The following GBF1 variants were observed in gnomAD, a reference collection of about 807,000 sequenced individuals.
GBF1 encodes the protein Golgi-specific brefeldin A-resistance guanine nucleotide exchange factor 1.
Under a neutral mutation model 210.5 loss-of-function variants are expected in GBF1, and 114 were observed. That is an observed-to-expected ratio of 0.54 (90% CI 0.47 to 0.63). The LOEUF (loss-of-function observed/expected upper bound fraction) is 0.63, where lower values mean the gene tolerates loss of function less well. Ranked by LOEUF, GBF1 falls within the 30% of genes least tolerant of loss-of-function variation. GBF1 has a pLI of 0.00. For synonymous variants in GBF1, 850 were observed against 889.2 expected (o/e 0.96, Z 0.78); for missense variants, 1,851 against 2,357.7 (o/e 0.79, Z 4.45).
At chr10:102,287,456 G>T (rs1359486238) in intron 3 of GBF1, among the ~76,000 whole-genome samples, 1 of 148,424 alleles carries the variant, frequency 6.7e-6, no homozygotes, top group Non-Finnish European at 1.5e-5. Flanking sequence ...CCAAAGTGCT[G>T]GGATTACAGG....
At chr10:102,299,186 A>G (rs1014182583) in intron 3 of GBF1, among the ~76,000 whole-genome samples, 3 of 152,338 alleles carry the variant, frequency 2.0e-5, no homozygotes, top group Non-Finnish European at 2.9e-5. Flanking sequence ...AGAAAGAACT[A>G]TTGATACATG....
intron 26 of GBF1, 91 bp downstream of exon 26, chr10:102,370,075 G>A: frequency 6.4e-7 from 1 of 1,561,018 alleles, no homozygotes; most frequent in East Asian, 2.2e-5. Context: ...TCCAGGATTT[G>A]TAACCAGGGC....
At chr10:102,293,762 A>ATTTTTTTTTTTTTTTTTTTTTTT (rs1565071251) in intron 3 of GBF1, among the ~76,000 whole-genome samples, 1 of 44,572 alleles carries the variant, frequency 2.2e-5, no homozygotes, top group African/African-American at 8.6e-5. Context: ...CAGCTGTAGT[A>ATTTTTTTTTTTTTTTTTTTTTTT]TGTTTTGTGT....
intron 3 of GBF1, among the ~76,000 whole-genome samples, chr10:102,281,551 A>C (rs2075480690): frequency 6.7e-6 from 1 of 149,260 alleles, no homozygotes; most frequent in Admixed American, 6.7e-5. Flanking sequence ...TATTTTTATA[A>C]ATTATCTATA....
intron 3 of GBF1, among the ~76,000 whole-genome samples, chr10:102,317,845 A>T (rs1288881460): frequency 6.6e-6 from 1 of 152,126 alleles, no homozygotes; most frequent in South Asian, 2.1e-4. Context: ...TATTCATTGT[A>T]TGAATGTTAC....
At chr10:102,249,597 A>G (rs892066631) in intron 1 of GBF1, among the ~76,000 whole-genome samples, 3 of 152,062 alleles carry the variant, frequency 2.0e-5, no homozygotes, top group Non-Finnish European at 4.4e-5. Context: ...CTAGTTTAGT[A>G]ACTTTGGTTA....
In GBF1 at chr10:102,366,522, A is replaced by G; in HGVS notation, c.2433+16A>G. On this transcript the variant is annotated intron_variant, in intron 19 of 39. Transcript: ENST00000369983. The surrounding 1 kb of genome is among the most constrained non-coding windows in gnomAD (Gnocchi z 4.0). ...GCGTTGGATGGTGAGTTTGAGTGTC[A>G]GGGGCTGAGCCCAGGATCCAAGGTC... The G allele has an allele frequency of 2.5e-6, 4 of 1,609,396 alleles. No individual in the cohort carries two copies. Among genetic ancestry groups the G allele is most frequent in the Non-Finnish European group, 3.4e-6 (4 of 1,177,342 alleles).
At chr10:102,259,673 AT>A (rs1294587868) in intron 2 of GBF1, among the ~76,000 whole-genome samples, 1 of 152,322 alleles carries the variant, frequency 6.6e-6, no homozygotes, top group East Asian at 1.9e-4. Flanking sequence ...ATAAAAATGT[AT>A]TGATTTAAAA....
intron 30 of GBF1, 109 bp downstream of exon 30, chr10:102,375,693 C>T (rs77733074): frequency 0.028 from 19,524 of 700,256 alleles, 641 homozygotes; most frequent in African/African-American, 0.12. Context: ...TTAAACAGCC[C>T]TGGCTCCTGC....
At chr10:102,358,354 G>A in intron 9 of GBF1, 152 bp from the exon 10 acceptor site, 2 of 781,622 alleles carry the variant, frequency 2.6e-6, no homozygotes, top group Non-Finnish European at 4.2e-6. Context: ...CAACTATGCA[G>A]TGACTTAAGG....
Position 102,343,799 on chromosome 10 carries a change from C to CAA in GBF1, c.164-236_164-235dup, listed in dbSNP as rs56360033. 8.0e-3 allele frequency among the ~76,000 whole-genome samples: 996 copies of CAA among 124,302 alleles called. 7 individuals are homozygous for CAA. The highest frequency in any genetic ancestry group is 0.012 in the Non-Finnish European group (717 of 58,896). The allele number at this position is 124,302 out of a possible 152,430, so 81.5% of individuals were successfully genotyped here. A position where few individuals can be genotyped will look rare whatever the true frequency, so the allele number is the denominator to read the frequency against. On this transcript the variant is annotated intron_variant, in intron 3 of 39. Transcript: ENST00000369983. ...CACTCCAAAGCAGGACTCTGTCTGA[C>CAA]AAAAAAAAAAAAAAAAAGATAATAT... is the stretch of plus-strand genomic sequence containing the variant.
intron 3 of GBF1, among the ~76,000 whole-genome samples, chr10:102,327,098 G>A (rs1384924708): frequency 6.6e-6 from 1 of 152,190 alleles, no homozygotes; most frequent in African/African-American, 2.4e-5. Context: ...CATTAGATGA[G>A]CCGAATTCTC....
At chr10:102,262,147 C>T (rs540521990) in intron 3 of GBF1, among the ~76,000 whole-genome samples, 2 of 152,198 alleles carry the variant, frequency 1.3e-5, no homozygotes, top group Non-Finnish European at 2.9e-5. Context: ...GGCCTCCCAA[C>T]CATATTTTCT....
At position 102,359,431 on chromosome 10, in the gene GBF1, A is replaced by T. The variant is rs2059468508; in HGVS notation, c.1176A>T (p.Lys392Asn). Residue 392 changes from lysine (K) to asparagine (N), a missense_variant, in exon 11 of 40, where the codon AAA (lysine) becomes AAT (asparagine). This residue lies in a region of GBF1 where 804 missense variants were observed against 958.6 expected (regional missense o/e 0.84). Transcript: ENST00000369983. ...TGCGCTTTACACAGTCCTCCCAGAA[A>T]GAAGGTGGGTATTCTGGTAGGCTCT... is the stretch of plus-strand genomic sequence containing the variant. Reference protein sequence around the residue: ...RGVRFTQSSQKEGTALVPYGL... With the variant: ...RGVRFTQSSQNEGTALVPYGL... 1 of 1,611,518 alleles carries T rather than the reference A, an allele frequency of 6.2e-7. No individual in the cohort carries two copies.
chr10:102,271,763 A>T (rs2074446873), intron 3 of GBF1, among the ~76,000 whole-genome samples: 1 of 151,814 alleles, frequency 6.6e-6, no homozygotes, highest in Non-Finnish European at 1.5e-5. Context: ...CATTACCATT[A>T]TTTTTTGAGA....
chr10:102,293,725 A>G (rs2133701770), intron 3 of GBF1, among the ~76,000 whole-genome samples: 1 of 151,148 alleles, frequency 6.6e-6, no homozygotes, highest in South Asian at 2.1e-4. Context: ...AACCTTATAT[A>G]ATAAAGATAT....
intron 3 of GBF1, among the ~76,000 whole-genome samples, chr10:102,271,278 C>T (rs985461142): frequency 6.6e-6 from 1 of 152,122 alleles, no homozygotes; most frequent in African/African-American, 2.4e-5. Flanking sequence ...ACCTCGTGAT[C>T]TGCCCGCCTC....
chr10:102,272,984 A>T (rs1471517260), intron 3 of GBF1, among the ~76,000 whole-genome samples: 1 of 152,188 alleles, frequency 6.6e-6, no homozygotes, highest in Non-Finnish European at 1.5e-5. Flanking sequence ...ACATCTTTGA[A>T]CACTTCCTTG....
the GBF1 span, chr10:102,231,796 G>T: frequency 6.3e-7 from 1 of 1,596,584 alleles, no homozygotes; most frequent in Non-Finnish European, 8.5e-7. Context: ...TGAGTCTGGG[G>T]GCCAGGGTGG....
Sources: allele counts gnomAD v4.1 joint callset (sites outside exome capture counted in the v4.1 genomes callset), GRCh38; gene constraint gnomAD v4.1.1; regional missense constraint gnomAD v4.1.1; non-coding constraint Gnocchi (gnomAD v3.1); transcripts MANE v1.5; gene names NCBI Gene and HGNC (gene_info 2026-07-23, HGNC 2026-07-21).